Variants in PCDHGA6 observed in about 807,000 individuals in gnomAD.
The protein encoded by PCDHGA6 is protocadherin gamma-A6.
Under a neutral mutation model 60.6 loss-of-function variants are expected in PCDHGA6, and 41 were observed. That is an observed-to-expected ratio of 0.68 (90% CI 0.53 to 0.88). The LOEUF is 0.88. Ranked by LOEUF, PCDHGA6 falls within the 40% of genes least tolerant of loss-of-function variation. The pLI, the probability that PCDHGA6 is intolerant of heterozygous loss-of-function variation, is 0.00. For missense variants in PCDHGA6, 1,312 were observed against 1,203.0 expected, an observed-to-expected ratio of 1.09 and a Z score of -1.34; for synonymous variants, 594 against 524.4, an observed-to-expected ratio of 1.13 and a Z score of -1.81.
chr5:141,393,387 C>T lies in PCDHGA6; in HGVS notation c.2424+16880C>T, dbSNP rs772072669. The stretch of plus-strand genomic sequence containing the variant: ...GACTGGAGACAATGGAGCCATAAAC[C>T]CAGAGCTGGTGCTGGAGCGCGCCCT... On this transcript the variant is annotated intron_variant, in intron 1 of 3. Coordinates refer to ENST00000517434, the MANE Select transcript of PCDHGA6 (RefSeq NM_018919.3). The T allele has an allele frequency of 3.7e-6, 6 of 1,613,972 alleles. No homozygotes were observed. The East Asian group carries it at 1.3e-4, about 36-fold the overall frequency.
chr5:141,383,928 T>C (rs543603315), intron 1 of PCDHGA6: 20 of 1,613,902 alleles, frequency 1.2e-5, no homozygotes, highest in Admixed American at 1.7e-5. Flanking sequence ...TAAATGATAA[T>C]GCTCCAGAAG....
At chr5:141,508,244 C>A (rs1278674173) in intron 3 of PCDHGA6, 1 of 152,314 alleles carries the variant, frequency 6.6e-6, no homozygotes, top group Non-Finnish European at 1.5e-5. Context: ...CTAAGTCTGC[C>A]TCTCCTGGGA....
At position 141,398,657 on chromosome 5, in the gene PCDHGA6, G is replaced by A. The variant is rs776950213; in HGVS notation, c.2424+22150G>A. 3.1e-6 allele frequency: 5 copies of A among 1,614,018 alleles called. No individual in the cohort carries two copies. In the South Asian group the frequency reaches 5.5e-5, roughly 18 times the overall value. On this transcript the variant is annotated intron_variant, in intron 1 of 3. Transcript: ENST00000517434. ...AAGTATAAACTCTCTCTTAACCCAA[G>A]TTTCTCATTAATAATTAAGGAGAAA...
Position 141,487,399 on chromosome 5 carries a change from G to A in PCDHGA6, c.2425-7408G>A. 1.2e-6 allele frequency: 2 copies of A among 1,614,140 alleles called. No homozygotes were observed. Among genetic ancestry groups the A allele is most frequent in the South Asian group, 1.1e-5 (1 of 91,088 alleles). On this transcript the variant is annotated intron_variant, in intron 1 of 3. Coordinates refer to ENST00000517434, the MANE Select transcript of PCDHGA6 (RefSeq NM_018919.3). The surrounding 1 kb of genome is among the most constrained non-coding windows in gnomAD (Gnocchi z 5.0). ...TCACCAGATCTCGAAGGAGGGAGGGGCTTCCCCCTTCCAATGGGATCCTCC... is the reference window on the plus strand; with the variant it reads ...TCACCAGATCTCGAAGGAGGGAGGGACTTCCCCCTTCCAATGGGATCCTCC...
chr5:141,420,118 T>C (rs2096468123), intron 1 of PCDHGA6: 2 of 1,613,844 alleles, frequency 1.2e-6, no homozygotes, highest in Admixed American at 1.7e-5. Flanking sequence ...ATGCCTATAA[T>C]TTTTGTGTGC....
intron 1 of PCDHGA6, chr5:141,423,301 C>T (rs1489674947): frequency 1.9e-6 from 3 of 1,614,150 alleles, no homozygotes; most frequent in East Asian, 4.5e-5. Flanking sequence ...AGACCTCTCG[C>T]TGTACTTGGT....
chr5:141,496,932 T>G (rs1336402833), intron 2 of PCDHGA6, among the ~76,000 whole-genome samples: 1 of 148,964 alleles, frequency 6.7e-6, no homozygotes, highest in Non-Finnish European at 1.5e-5. Context: ...ACGCCTGTAA[T>G]CCCAGCACTT....
At chr5:141,456,142 C>A (rs1258425044) in intron 1 of PCDHGA6, among the ~76,000 whole-genome samples, 1 of 152,052 alleles carries the variant, frequency 6.6e-6, no homozygotes, top group Non-Finnish European at 1.5e-5. Flanking sequence ...CCTGATCCGC[C>A]CGCCTCGGCC....
At chr5:141,399,205 A>G (rs1344993471) in intron 1 of PCDHGA6, 1 of 1,613,982 alleles carries the variant, frequency 6.2e-7, no homozygotes, top group Admixed American at 1.7e-5. Flanking sequence ...GGTGCCTGGA[A>G]CACTAATTGC....
chr5:141,492,548 C>T (rs1028674110), intron 1 of PCDHGA6, among the ~76,000 whole-genome samples: 5 of 152,218 alleles, frequency 3.3e-5, no homozygotes, highest in African/African-American at 9.6e-5. Flanking sequence ...TGGGCCGGGT[C>T]GCCTGGGGGG....
At chr5:141,474,998 T>C (rs1029967243) in intron 1 of PCDHGA6, among the ~76,000 whole-genome samples, 1 of 152,260 alleles carries the variant, frequency 6.6e-6, no homozygotes, top group Non-Finnish European at 1.5e-5. Context: ...CAATTCTAAA[T>C]GCAGAAAAGT....
In PCDHGA6 at chr5:141,477,294, C is replaced by G. The variant is rs753131175; in HGVS notation, c.2425-17513C>G. On this transcript the variant is annotated intron_variant, in intron 1 of 3. Coordinates refer to ENST00000517434, the MANE Select transcript of PCDHGA6 (RefSeq NM_018919.3). This position sits in a 1 kb window ranked among gnomAD's most constrained non-coding sequence, Gnocchi z 4.9. ...GGGCTGGTGACCTGCGAAGTTCCACCGGGTCTCCCTTTCAGCCTTACTTCT... is the reference window on the plus strand; with the variant it reads ...GGGCTGGTGACCTGCGAAGTTCCACGGGGTCTCCCTTTCAGCCTTACTTCT... The G allele has an allele frequency of 2.1e-5, 34 of 1,614,024 alleles. No individual in the cohort carries two copies. Among genetic ancestry groups the G allele is most frequent in the Non-Finnish European group, 2.9e-5 (34 of 1,180,036 alleles).
intron 1 of PCDHGA6, among the ~76,000 whole-genome samples, chr5:141,488,087 G>A (rs1479773288): frequency 6.6e-6 from 1 of 152,198 alleles, no homozygotes; most frequent in East Asian, 1.9e-4. Flanking sequence ...CTAGTACACT[G>A]TGAAGGGACC....
chr5:141,415,977 C>A (rs1479258110), intron 1 of PCDHGA6: 2 of 354,488 alleles, frequency 5.6e-6, no homozygotes, highest in Non-Finnish European at 9.4e-6. Context: ...CCTTAAGCAA[C>A]CCTCTTGTTC....
intron 1 of PCDHGA6, chr5:141,403,695 G>A (rs376074779): frequency 6.2e-7 from 1 of 1,613,780 alleles, no homozygotes; most frequent in Non-Finnish European, 8.5e-7. Flanking sequence ...CGGATTTACC[G>A]AGTTAAAGTC....
rs759356451 is a variant in PCDHGA6, at chr5:141,476,397, G to C, written c.2425-18410G>C. On this transcript the variant is annotated intron_variant, in intron 1 of 3. Transcript: ENST00000517434. The surrounding 1 kb of genome is among the most constrained non-coding windows in gnomAD (Gnocchi z 7.6). ...ATGTTTGTGAACGACCGTCTGGATC[G>C]AGAGGAGCTGTGTGGGACACTGCCC... The C allele has an allele frequency of 6.2e-7, 1 of 1,614,142 alleles. No individual in the cohort carries two copies. The highest frequency in any genetic ancestry group is 8.5e-7 in the Non-Finnish European group (1 of 1,180,036).
At chr5:141,478,759 A>G in intron 1 of PCDHGA6, 2 of 1,514,800 alleles carry the variant, frequency 1.3e-6, no homozygotes, top group African/African-American at 1.4e-5. Flanking sequence ...GGGGGAAGAT[A>G]CTTGACTCAT....
At chr5:141,410,715 G>C (rs1237496496) in intron 1 of PCDHGA6, 1 of 1,422,664 alleles carries the variant, frequency 7.0e-7, no homozygotes, top group Non-Finnish European at 9.4e-7. Context: ...AGAATCATAT[G>C]TTTAAAATCC....
At position 141,486,182 on chromosome 5, in the gene PCDHGA6, C is replaced by G. The variant is rs1288782056; in HGVS notation, c.2425-8625C>G. On this transcript the variant is annotated intron_variant, in intron 1 of 3. Transcript: ENST00000517434. This position sits in a 1 kb window ranked among gnomAD's most constrained non-coding sequence, Gnocchi z 5.0. ...AGCCATGGAGCAACATTGCAGCCTT[C>G]GAGTGGATCTGCTGGACGTAAATGA... 1 of 1,614,198 alleles carries G rather than the reference C, an allele frequency of 6.2e-7. No individual in the cohort carries two copies. Among genetic ancestry groups the G allele is most frequent in the Non-Finnish European group, 8.5e-7 (1 of 1,180,028 alleles).
Sources: gnomAD v4.1 joint callset for allele counts (sites outside exome capture counted in the v4.1 genomes callset) on GRCh38, gnomAD v4.1.1 for gene constraint, Gnocchi (gnomAD v3.1) non-coding constraint, MANE v1.5 for transcripts, NCBI Gene and HGNC (gene_info 2026-07-23, HGNC 2026-07-21) for gene names.